Variants in HS6ST3 observed in about 807,000 individuals in gnomAD.
HS6ST3 encodes the protein heparan sulfate 6-O-sulfotransferase 3.
HS6ST3 carries 12 observed loss-of-function variants against 36.7 expected under a neutral mutation model. That is an observed-to-expected ratio of 0.33 (90% confidence interval 0.21 to 0.53). The LOEUF (loss-of-function observed/expected upper bound fraction) is 0.53. HS6ST3 is among the 20% of genes least tolerant of loss of function. The pLI is 0.95. For synonymous variants in HS6ST3, 240 were observed against 257.5 expected (o/e 0.93, Z 0.65); for missense variants, 584 against 640.9 (o/e 0.91, Z 0.96).
At chr13:96,113,370 C>T (rs1159666750) in intron 1 of HS6ST3, among the ~76,000 whole-genome samples, 1 of 152,060 alleles carries the variant, frequency 6.6e-6, no homozygotes, top group Non-Finnish European at 1.5e-5. Flanking sequence ...CCCCCATTAA[C>T]AGATTGACAG....
intron 1 of HS6ST3, among the ~76,000 whole-genome samples, chr13:96,793,892 T>A (rs1877850577): frequency 6.6e-6 from 1 of 152,028 alleles, no homozygotes; most frequent in Non-Finnish European, 1.5e-5. Context: ...GGGACCTATA[T>A]GCTAGTTTTA....
At chr13:96,335,798 T>C (rs1205724233) in intron 1 of HS6ST3, among the ~76,000 whole-genome samples, 1 of 152,210 alleles carries the variant, frequency 6.6e-6, no homozygotes, top group Non-Finnish European at 1.5e-5. Context: ...ATTTCACTGT[T>C]TTGTTTTCTT....
intron 1 of HS6ST3, among the ~76,000 whole-genome samples, chr13:96,094,398 T>A (rs535030087): frequency 6.6e-6 from 1 of 152,304 alleles, no homozygotes; most frequent in South Asian, 2.1e-4. Flanking sequence ...ATGAGGTCCG[T>A]TTCTTAGAGA....
At chr13:96,309,064 T>TA (rs1342214555) in intron 1 of HS6ST3, among the ~76,000 whole-genome samples, 1 of 152,146 alleles carries the variant, frequency 6.6e-6, no homozygotes, top group African/African-American at 2.4e-5. Context: ...TGAGATCAAA[T>TA]ACACACTTGG....
chr13:96,680,131 A>T (rs748840934), intron 1 of HS6ST3, among the ~76,000 whole-genome samples: 55 of 152,176 alleles, frequency 3.6e-4, no homozygotes, highest in Non-Finnish European at 7.1e-4. Context: ...GCTATGAAAG[A>T]CCTTAAGCCC....
At chr13:96,097,384 A>G (rs2053796653) in intron 1 of HS6ST3, among the ~76,000 whole-genome samples, 1 of 152,180 alleles carries the variant, frequency 6.6e-6, no homozygotes, top group Non-Finnish European at 1.5e-5. Flanking sequence ...TTGATAATGA[A>G]CTAAACAGTT....
chr13:96,674,932 G>T (rs920918219), intron 1 of HS6ST3, among the ~76,000 whole-genome samples: 1 of 152,084 alleles, frequency 6.6e-6, no homozygotes, highest in African/African-American at 2.4e-5. Context: ...AGTTCTCTCT[G>T]TCATGTTTCA....
chr13:96,098,572 G>A (rs1418685939), intron 1 of HS6ST3, among the ~76,000 whole-genome samples: 1 of 152,168 alleles, frequency 6.6e-6, no homozygotes, highest in African/African-American at 2.4e-5. Flanking sequence ...TGTAATCCCA[G>A]AACTCTGGGA....
intron 1 of HS6ST3, among the ~76,000 whole-genome samples, chr13:96,485,730 T>C (rs531276413): frequency 6.6e-6 from 1 of 152,160 alleles, no homozygotes; most frequent in South Asian, 2.1e-4. Context: ...TATTCTTTAA[T>C]GAAATGGATG....
chr13:96,380,077 C>G (rs958376895), intron 1 of HS6ST3, among the ~76,000 whole-genome samples: 2 of 152,106 alleles, frequency 1.3e-5, no homozygotes, highest in Non-Finnish European at 2.9e-5. Context: ...CTTTCCACAT[C>G]CTTGATAGGT....
chr13:96,286,847 A>ACCTTATTAAGGTATAATTAATAATTATG (rs577934517), intron 1 of HS6ST3, among the ~76,000 whole-genome samples: 56 of 152,008 alleles, frequency 3.7e-4, no homozygotes, highest in African/African-American at 1.3e-3. Flanking sequence ...CCTTAATTAT[A>ACCTTATTAAGGTATAATTAATAATTATG]CCTTATTAAG....
chr13:96,536,587 C>T (rs1463465562), intron 1 of HS6ST3, among the ~76,000 whole-genome samples: 2 of 152,086 alleles, frequency 1.3e-5, no homozygotes, highest in African/African-American at 4.8e-5. Context: ...TGGCTCTTCT[C>T]TATCTGTGGT....
intron 1 of HS6ST3, among the ~76,000 whole-genome samples, chr13:96,438,771 A>T (rs1002506880): frequency 6.6e-6 from 1 of 152,204 alleles, no homozygotes; most frequent in Admixed American, 6.5e-5. Flanking sequence ...CTGATTTAAA[A>T]TATTATGGTT....
intron 1 of HS6ST3, among the ~76,000 whole-genome samples, chr13:96,603,364 T>G (rs945219703): frequency 1.1e-4 from 17 of 152,352 alleles, no homozygotes; most frequent in South Asian, 6.2e-4. Context: ...GTTGCTCAAC[T>G]TTATGTTTGT....
At position 96,222,389 on chromosome 13, in the gene HS6ST3, G is replaced by A. The variant is rs114249246; in HGVS notation, c.707+130820G>A. ...GTACAGCATCAACTTCATTTTTCCTGGGCTGAAGATTAATACCACAGGAAA... is the reference window on the plus strand; with the variant it reads ...GTACAGCATCAACTTCATTTTTCCTAGGCTGAAGATTAATACCACAGGAAA... On this transcript the variant is annotated intron_variant, in intron 1 of 1. Transcript: ENST00000376705. Among the ~76,000 whole-genome samples, 1,483 of 152,172 alleles carry A rather than the reference G, an allele frequency of 9.7e-3. 24 individuals carry two copies. The highest frequency in any genetic ancestry group is 0.034 in the African/African-American group (1,424 of 41,514).
intron 1 of HS6ST3, among the ~76,000 whole-genome samples, chr13:96,487,630 T>C (rs533044129): frequency 6.6e-6 from 1 of 152,232 alleles, no homozygotes; most frequent in Admixed American, 6.6e-5. Context: ...ATATTATACA[T>C]ACAAGGACAA....
At chr13:96,664,271 G>A (rs559115793) in intron 1 of HS6ST3, among the ~76,000 whole-genome samples, 2 of 152,138 alleles carry the variant, frequency 1.3e-5, no homozygotes, top group Non-Finnish European at 2.9e-5. Flanking sequence ...ATAATTCATA[G>A]AAACAGCTTT....
chr13:96,690,786 G>A (rs1874935017), intron 1 of HS6ST3, among the ~76,000 whole-genome samples: 1 of 151,600 alleles, frequency 6.6e-6, no homozygotes, highest in African/African-American at 2.4e-5. Flanking sequence ...TATCAATTGT[G>A]AAATGAACAC....
At chr13:96,440,419 C>T (rs555872472) in intron 1 of HS6ST3, among the ~76,000 whole-genome samples, 1 of 123,266 alleles carries the variant, frequency 8.1e-6, no homozygotes, top group Admixed American at 1.0e-4. Flanking sequence ...GCACTCCAGT[C>T]TGGGTGACCG....
Sources: allele counts gnomAD v4.1 joint callset (sites outside exome capture counted in the v4.1 genomes callset), GRCh38; gene constraint gnomAD v4.1.1; transcripts MANE v1.5; gene names NCBI Gene and HGNC (gene_info 2026-07-23, HGNC 2026-07-21).